Variants in ZFYVE1 observed in about 807,000 individuals in gnomAD.
ZFYVE1 encodes the protein zinc finger FYVE domain-containing protein 1.
In ZFYVE1, 30 loss-of-function variants were observed where a neutral mutation model predicts 74.4. The ratio of observed to expected loss-of-function variants is 0.40; its 90% CI spans 0.30 to 0.55. The LOEUF is 0.55. Ranked by LOEUF, ZFYVE1 falls within the 20% of genes least tolerant of loss-of-function variation. ZFYVE1 has a pLI of 0.42. For synonymous variants in ZFYVE1, 335 were observed against 385.1 expected, an observed-to-expected ratio of 0.87 and a Z score of 1.52; for missense variants, 703 against 1,011.6, an observed-to-expected ratio of 0.69 and a Z score of 4.14.
intron 3 of ZFYVE1, 87 bp downstream of exon 3, chr14:72,997,724 A>C (rs1211372839): frequency 6.7e-7 from 1 of 1,482,078 alleles, no homozygotes; most frequent in Non-Finnish European, 9.1e-7. Context: ...TGGGCAATCC[A>C]CTACCAACAA....
chr14:73,013,844 T>C (rs980195483), intron 2 of ZFYVE1, among the ~76,000 whole-genome samples: 1 of 152,080 alleles, frequency 6.6e-6, no homozygotes, highest in African/African-American at 2.4e-5. Flanking sequence ...TAACCTCAGA[T>C]AGAAATGATC....
intron 2 of ZFYVE1, among the ~76,000 whole-genome samples, chr14:73,011,318 TC>T (rs1158058557): frequency 6.6e-6 from 1 of 151,678 alleles, no homozygotes; most frequent in East Asian, 2.0e-4. Flanking sequence ...AAACCCCATC[TC>T]TACTAACAAT....
intron 2 of ZFYVE1, among the ~76,000 whole-genome samples, chr14:73,006,194 T>A (rs952479130): frequency 2.0e-5 from 3 of 151,896 alleles, no homozygotes; most frequent in Admixed American, 2.0e-4. Flanking sequence ...CCTGGGATTG[T>A]AGGCGTGAGC....
chr14:72,976,880 T>C (rs1423363645), intron 8 of ZFYVE1, among the ~76,000 whole-genome samples: 1 of 151,788 alleles, frequency 6.6e-6, no homozygotes. Flanking sequence ...CAGGTAGAAC[T>C]CCTAGGCTGA....
At chr14:72,980,548 T>A (rs540563118) in intron 5 of ZFYVE1, among the ~76,000 whole-genome samples, 1,935 of 92,800 alleles carry the variant, frequency 0.021, 48 homozygotes, top group African/African-American at 0.086. Context: ...TTTATTTATT[T>A]ATTTATTTAT....
intron 5 of ZFYVE1, among the ~76,000 whole-genome samples, chr14:72,981,389 G>T (rs1018443476): frequency 1.3e-5 from 2 of 152,104 alleles, no homozygotes; most frequent in South Asian, 4.1e-4. Context: ...TTTTGCACAG[G>T]GGGGGCACTC....
At chr14:73,001,722 G>A (rs1275257298) in intron 2 of ZFYVE1, among the ~76,000 whole-genome samples, 3 of 150,490 alleles carry the variant, frequency 2.0e-5, no homozygotes, top group African/African-American at 4.9e-5. Flanking sequence ...GCTCACACCT[G>A]TAATCCCAGC....
In ZFYVE1 at chr14:72,978,173, G is replaced by C; in HGVS notation, c.1481C>G (p.Ser494Cys). ...ATATTTTGCGAGACCCATCCAGGGG[G>C]AGTCAGTGGAAGCAGATGTTTTGGG... ...VVPKTSASTD[S>C]PWMGLAKYAW... is the part of the protein sequence containing the mutation. The change falls in exon 7 of 12, where the codon TCC becomes TGC. Residue 494 changes from serine (S) to cysteine (C), a missense_variant. By Grantham distance (112) the Ser-to-Cys change is moderately radical. This residue lies in a region of ZFYVE1 where 492 missense variants were observed against 790.0 expected (regional missense o/e 0.62). Coordinates refer to ENST00000556143, the MANE Select transcript of ZFYVE1 (RefSeq NM_021260.4). 6.2e-7 allele frequency: 1 copy of C among 1,614,216 alleles called. No homozygotes were observed. The highest frequency in any genetic ancestry group is 1.1e-5 in the South Asian group (1 of 91,090).
rs371352666 is a variant in ZFYVE1 at position 72,997,980 on chromosome 14, A to G, written c.819T>C (p.His273=). The change falls in exon 3 of 12, where the codon CAT becomes CAC. Residue 273 remains histidine (H), a synonymous_variant. Transcript: ENST00000556143. The part of the protein sequence containing the change: ...VIYRTHADRL[H]NDLFKFLGDA... ...CCCCAAGGAATTTGAAGAGGTCGTT[A>G]TGCAGCCGGTCTGCATGAGTTCGAT... 65 of 1,614,030 alleles carry G rather than the reference A, an allele frequency of 4.0e-5. No individual in the cohort carries two copies. The highest frequency in any genetic ancestry group is 5.1e-5 in the Non-Finnish European group (60 of 1,180,036).
intron 2 of ZFYVE1, among the ~76,000 whole-genome samples, chr14:73,015,363 AG>A (rs1894176106): frequency 1.6e-5 from 1 of 61,654 alleles, no homozygotes; most frequent in Non-Finnish European, 3.0e-5. Context: ...GAAGGGGGAA[AG>A]GAAGAGGGGA....
chr14:72,989,705 G>T (rs1218607194), intron 4 of ZFYVE1, among the ~76,000 whole-genome samples: 4 of 151,936 alleles, frequency 2.6e-5, no homozygotes, highest in Non-Finnish European at 5.9e-5. Flanking sequence ...AAGCTCTTGG[G>T]GCCTGGTGCA....
At chr14:72,986,563 CTTT>C (rs751115992) in intron 4 of ZFYVE1, among the ~76,000 whole-genome samples, 2 of 136,772 alleles carry the variant, frequency 1.5e-5, no homozygotes, top group East Asian at 2.0e-4. Context: ...TCAGCTTTTC[CTTT>C]TTTTTTTTTT....
intron 8 of ZFYVE1, among the ~76,000 whole-genome samples, chr14:72,976,759 G>A (rs1204217133): frequency 1.9e-4 from 26 of 135,834 alleles, no homozygotes; most frequent in African/African-American, 6.5e-4. Context: ...CTCCAGCCTG[G>A]GTGACAGAGC....
chr14:73,023,076 G>A lies in ZFYVE1; in HGVS notation c.483+950C>T, dbSNP rs187319940. Among the ~76,000 whole-genome samples the A allele has an allele frequency of 9.8e-4, 147 of 149,756 alleles. 1 individual carries two copies. Among genetic ancestry groups the A allele is most frequent in the Non-Finnish European group, 2.0e-3 (133 of 67,774 alleles). ...CTTGGGAGGCTGAGGCAGGAAAATC[G>A]CTTGAATCCAGGAAGTAGAGGTTGC... On this transcript the variant is annotated intron_variant, in intron 2 of 11. Transcript: ENST00000556143.
rs903826574 is a variant in ZFYVE1 at position 72,975,593 on chromosome 14, G to A, written c.1764C>T (p.Asp588=). The change falls in exon 9 of 12, where the codon GAC becomes GAT. Residue 588 remains aspartate, a synonymous_variant. Coordinates refer to ENST00000556143, the MANE Select transcript of ZFYVE1 (RefSeq NM_021260.4). The surrounding 1 kb of genome is among the most constrained non-coding windows in gnomAD (Gnocchi z 4.1). ...PTKAVTSWLT[D]QIAPAYWRPN... is the part of the protein sequence containing the mutation. ...GCCTCCAGTAGGCAGGGGCGATCTG[G>A]TCTGTCAGCCAGGAAGTCACAGCCT... The A allele has an allele frequency of 3.1e-6, 5 of 1,614,128 alleles. No individual in the cohort carries two copies. The highest frequency in any genetic ancestry group is 4.2e-6 in the Non-Finnish European group (5 of 1,180,016).
intron 2 of ZFYVE1, among the ~76,000 whole-genome samples, chr14:73,021,034 T>C (rs993880333): frequency 6.6e-6 from 1 of 152,048 alleles, no homozygotes; most frequent in African/African-American, 2.4e-5. Flanking sequence ...ATGTCTGGCC[T>C]TGATATCCAT....
rs752822072 is a variant in ZFYVE1, at chr14:72,969,719, C to T, written c.*1163G>A. On this transcript the variant is annotated 3_prime_UTR_variant, in exon 12 of 12. Transcript: ENST00000556143. ...CCATGATGATAGGATTTCAGCACAA[C>T]GGGCCCTTTCCAGTCATGACAGACA... 21 of 702,364 alleles carry T rather than the reference C, an allele frequency of 3.0e-5. No individual in the cohort carries two copies. Among genetic ancestry groups the T allele is most frequent in the African/African-American group, 7.0e-5 (4 of 57,058 alleles). The allele number at this position is 702,364 out of a possible 1,614,324, so 43.5% of individuals were successfully genotyped here.
At chr14:73,008,307 G>A (rs1894022200) in intron 2 of ZFYVE1, among the ~76,000 whole-genome samples, 1 of 152,110 alleles carries the variant, frequency 6.6e-6, no homozygotes, top group Non-Finnish European at 1.5e-5. Context: ...TTACAGGCAT[G>A]TGCCACCACA....
At position 72,975,065 on chromosome 14, in the gene ZFYVE1, G is replaced by T; in HGVS notation, c.1807-106C>A. 1 of 1,275,594 alleles carries T rather than the reference G, an allele frequency of 7.8e-7. No individual in the cohort carries two copies. The highest frequency in any genetic ancestry group is 1.1e-6 in the Non-Finnish European group (1 of 934,836). 79.0% of individuals were successfully genotyped at this position (1,275,594 alleles called of 1,614,324 possible). ...GGAGCAAGCAGAAACTAAGGCAGGT[G>T]GCGTTAGCTCAACAAGGACAAGAGC... On this transcript the variant is annotated intron_variant, in intron 9 of 11. Coordinates refer to ENST00000556143, the MANE Select transcript of ZFYVE1 (RefSeq NM_021260.4). The surrounding 1 kb of genome is among the most constrained non-coding windows in gnomAD (Gnocchi z 4.1).
Sources: allele counts gnomAD v4.1 joint callset (sites outside exome capture counted in the v4.1 genomes callset), GRCh38; gene constraint gnomAD v4.1.1; regional missense constraint gnomAD v4.1.1; non-coding constraint Gnocchi (gnomAD v3.1); transcripts MANE v1.5; gene names NCBI Gene and HGNC (gene_info 2026-07-23, HGNC 2026-07-21).